The following RAB3C variants were observed in gnomAD, a reference collection of about 807,000 sequenced individuals.
The protein encoded by RAB3C is RAB3C, member RAS oncogene family.
RAB3C carries 17 observed loss-of-function variants against 26.4 expected under a neutral mutation model. That is an observed-to-expected ratio of 0.64 (90% CI 0.44 to 0.97). The LOEUF (loss-of-function observed/expected upper bound fraction) is 0.97, where lower values mean the gene tolerates loss of function less well. Ranked by LOEUF, RAB3C falls within the 50% of genes least tolerant of loss-of-function variation. The pLI, the probability that RAB3C is intolerant of heterozygous loss-of-function variation, is 0.00. For synonymous variants in RAB3C, 91 were observed against 95.9 expected (o/e 0.95, Z 0.30); for missense variants, 242 against 281.9 (o/e 0.86, Z 1.01).
intron 3 of RAB3C, among the ~76,000 whole-genome samples, chr5:58,730,150 A>G (rs890899778): frequency 2.0e-5 from 3 of 151,778 alleles, no homozygotes; most frequent in African/African-American, 7.2e-5. Flanking sequence ...TCTTAAGTGT[A>G]TACTTGTCTT....
chr5:58,699,900 C>T (rs527598748), intron 2 of RAB3C, among the ~76,000 whole-genome samples: 6 of 152,300 alleles, frequency 3.9e-5, no homozygotes, highest in Admixed American at 6.5e-5. Flanking sequence ...AAGGGAAATC[C>T]CCTGACCCCG....
At chr5:58,824,248 A>G (rs1176813031) in intron 3 of RAB3C, among the ~76,000 whole-genome samples, 1 of 151,798 alleles carries the variant, frequency 6.6e-6, no homozygotes, top group African/African-American at 2.4e-5. Context: ...CCCTGCAAAA[A>G]CAATAAACTT....
Position 58,595,866 on chromosome 5 carries a change from G to A in RAB3C, c.24+12634G>A, listed in dbSNP as rs112683792. On this transcript the variant is annotated intron_variant, in intron 1 of 4. Coordinates refer to ENST00000282878, the MANE Select transcript of RAB3C (RefSeq NM_138453.4). ...CATATCCACAAGAAAAGTTTTGAAC[G>A]ATTCTTTACATTTTGTTGCTAAGAG... Among the ~76,000 whole-genome samples, 578 of 152,204 alleles carry A rather than the reference G, an allele frequency of 3.8e-3. 5 individuals are homozygous for A. Among genetic ancestry groups the A allele is most frequent in the African/African-American group, 0.013 (541 of 41,540 alleles).
intron 3 of RAB3C, among the ~76,000 whole-genome samples, chr5:58,737,931 A>T (rs2111941001): frequency 6.6e-6 from 1 of 152,328 alleles, no homozygotes; most frequent in South Asian, 2.1e-4. Flanking sequence ...TTACATAGTG[A>T]GCAATGTGAC....
In RAB3C at chr5:58,596,753, A is replaced by AATATT. The variant is rs1561260041; in HGVS notation, c.24+13525_24+13526insTATAT. Among the ~76,000 whole-genome samples, 421 of 59,438 alleles carry AATATT rather than the reference A, an allele frequency of 7.1e-3. 21 individuals are homozygous for AATATT. Among genetic ancestry groups the AATATT allele is most frequent in the African/African-American group, 0.027 (398 of 14,994 alleles). 39.0% of individuals were successfully genotyped at this position (59,438 alleles called of 152,430 possible). On this transcript the variant is annotated intron_variant, in intron 1 of 4. Transcript: ENST00000282878. ...CATAATATATAAATATATAATACAT[A>AATATT]ATATATAAATATATAATATATAATA...
chr5:58,839,325 C>T (rs549809348), intron 4 of RAB3C, among the ~76,000 whole-genome samples: 1 of 147,498 alleles, frequency 6.8e-6, no homozygotes, highest in South Asian at 2.2e-4. Flanking sequence ...TGGCTGGGTC[C>T]CTATCTGTAA....
At position 58,832,509 on chromosome 5, in the gene RAB3C, A is replaced by G. The variant is rs113435048; in HGVS notation, c.496+7347A>G. On this transcript the variant is annotated intron_variant, in intron 4 of 4. Coordinates refer to ENST00000282878, the MANE Select transcript of RAB3C (RefSeq NM_138453.4). ...AGCACCAACTATTGGTCAAGGCACT[A>G]GGAGTTAGGAAACAATAAGACCAAA... Among the ~76,000 whole-genome samples the G allele has an allele frequency of 8.5e-3, 1,292 of 152,344 alleles. 23 individuals carry two copies. Among genetic ancestry groups the G allele is most frequent in the African/African-American group, 0.029 (1,209 of 41,578 alleles).
At chr5:58,831,701 T>G (rs1743616456) in intron 4 of RAB3C, among the ~76,000 whole-genome samples, 2 of 152,186 alleles carry the variant, frequency 1.3e-5, no homozygotes, top group Non-Finnish European at 1.5e-5. Context: ...ATATTGGGAA[T>G]AGCAGGGATA....
At chr5:58,827,772 G>A (rs945473449) in intron 4 of RAB3C, among the ~76,000 whole-genome samples, 1 of 152,152 alleles carries the variant, frequency 6.6e-6, no homozygotes, top group Non-Finnish European at 1.5e-5. Context: ...AATGTGGCTT[G>A]TTCTCCTCAT....
rs551394496 is a variant in RAB3C at position 58,682,105 on chromosome 5, G to A, written c.253-43897G>A. On this transcript the variant is annotated intron_variant, in intron 2 of 4. Coordinates refer to ENST00000282878, the MANE Select transcript of RAB3C (RefSeq NM_138453.4). ...CATTTGTATGGTTGAGGTGAGGCAC[G>A]TGAAGTTTCAGTTTGGAAGTATTGA... Among the ~76,000 whole-genome samples, 8 of 152,266 alleles carry A rather than the reference G, an allele frequency of 5.3e-5. No individual in the cohort carries two copies. In the South Asian group the frequency reaches 6.2e-4, roughly 12 times the overall value.
chr5:58,642,621 C>T (rs1747432826), intron 2 of RAB3C, among the ~76,000 whole-genome samples: 1 of 152,154 alleles, frequency 6.6e-6, no homozygotes, highest in South Asian at 2.1e-4. Context: ...CTGAAGTAAT[C>T]ATGTAAGAAA....
At chr5:58,703,048 C>A (rs1748879349) in intron 2 of RAB3C, among the ~76,000 whole-genome samples, 1 of 152,120 alleles carries the variant, frequency 6.6e-6, no homozygotes, top group Admixed American at 6.6e-5. Flanking sequence ...AGATGACTTC[C>A]ATGAAAAGAA....
chr5:58,639,186 C>T (rs1023131571), intron 2 of RAB3C, among the ~76,000 whole-genome samples: 2 of 152,148 alleles, frequency 1.3e-5, no homozygotes, highest in Non-Finnish European at 2.9e-5. Flanking sequence ...CACCCTTGCT[C>T]ATTGAAATGA....
chr5:58,691,097 T>TAAA (rs566480783), intron 2 of RAB3C, among the ~76,000 whole-genome samples: 3 of 144,726 alleles, frequency 2.1e-5, no homozygotes, highest in African/African-American at 7.5e-5. Context: ...CAATTTCCAG[T>TAAA]AAAAAAAAAA....
At chr5:58,722,014 TAACA>T (rs1180163297) in intron 2 of RAB3C, among the ~76,000 whole-genome samples, 5 of 151,814 alleles carry the variant, frequency 3.3e-5, no homozygotes, top group Non-Finnish European at 1.5e-5. Context: ...CCATGGGTTC[TAACA>T]GTTTCCTGTA....
intron 3 of RAB3C, among the ~76,000 whole-genome samples, chr5:58,748,061 G>A (rs909239141): frequency 3.9e-5 from 6 of 152,118 alleles, no homozygotes; most frequent in African/African-American, 1.4e-4. Context: ...GTGTGTCTGG[G>A]AGGTGGAGAA....
chr5:58,620,861 G>C (rs540237824), intron 2 of RAB3C, among the ~76,000 whole-genome samples: 2 of 152,238 alleles, frequency 1.3e-5, no homozygotes, highest in Admixed American at 1.3e-4. Flanking sequence ...TCACATTGAA[G>C]GCATGCAGGA....
At chr5:58,644,027 G>A (rs1422463040) in intron 2 of RAB3C, among the ~76,000 whole-genome samples, 1 of 151,994 alleles carries the variant, frequency 6.6e-6, no homozygotes, top group Admixed American at 6.6e-5. Flanking sequence ...CACCAAGTGG[G>A]TCAGGGTGGT....
In RAB3C at chr5:58,748,185, A is replaced by G. The variant is rs904231848; in HGVS notation, c.371+22065A>G. Among the ~76,000 whole-genome samples, 4 of 151,610 alleles carry G rather than the reference A, an allele frequency of 2.6e-5. No homozygotes were observed. In the East Asian group the frequency reaches 7.7e-4, roughly 29 times the overall value. ...TCCACATTACCCAGAAAGAATTTCA[A>G]GGGGGGGGAAATGATCTATCAATCT... On this transcript the variant is annotated intron_variant, in intron 3 of 4. Transcript: ENST00000282878.
Sources: allele counts gnomAD v4.1 joint callset (sites outside exome capture counted in the v4.1 genomes callset), GRCh38; gene constraint gnomAD v4.1.1; transcripts MANE v1.5; gene names NCBI Gene and HGNC (gene_info 2026-07-23, HGNC 2026-07-21).